RAB38: variants seen among roughly 807,000 people sequenced by gnomAD.
RAB38 encodes the protein ras-related protein Rab-38.
Under a neutral mutation model 18.4 loss-of-function variants are expected in RAB38, and 15 were observed. The ratio of observed to expected loss-of-function variants is 0.82; its 90% CI spans 0.55 to 1.26. The LOEUF (loss-of-function observed/expected upper bound fraction) is 1.26. Ranked by LOEUF, RAB38 falls within the 50% of genes most tolerant of loss-of-function variation. RAB38 has a pLI of 0.00. For synonymous variants in RAB38, 101 were observed against 104.4 expected (o/e 0.97, Z 0.20); for missense variants, 294 against 267.4 (o/e 1.10, Z -0.69).
At chr11:87,849,645 T>C in the RAB38 span, among the ~76,000 whole-genome samples, 1 of 152,144 alleles carries the variant, frequency 6.6e-6, no homozygotes, top group Non-Finnish European at 1.5e-5. Context: ...TTGGGTGTTG[T>C]CCTTTTCTGC....
the RAB38 span, among the ~76,000 whole-genome samples, chr11:87,858,144 T>G: frequency 6.6e-6 from 1 of 152,202 alleles, no homozygotes; most frequent in Non-Finnish European, 1.5e-5. Context: ...TTCTTGTTTT[T>G]GTCAGGTTTG....
At chr11:87,976,956 TACATTATACAA>T in the RAB38 span, among the ~76,000 whole-genome samples, 112 of 65,590 alleles carry the variant, frequency 1.7e-3, 43 homozygotes, top group African/African-American at 2.7e-3. Flanking sequence ...AAAATATAAT[TACATTATACAA>T]GTATATTATA....
At chr11:87,876,338 C>G in the RAB38 span, among the ~76,000 whole-genome samples, 4 of 151,560 alleles carry the variant, frequency 2.6e-5, no homozygotes, top group African/African-American at 9.7e-5. Context: ...AGCAATTTTT[C>G]TACCATAGTC....
the RAB38 span, among the ~76,000 whole-genome samples, chr11:88,027,909 T>G: frequency 1.3e-5 from 2 of 152,164 alleles, no homozygotes; most frequent in African/African-American, 4.8e-5. Context: ...GATCTGAGAA[T>G]GGGCAGACTG....
the RAB38 span, among the ~76,000 whole-genome samples, chr11:87,824,978 AAGAGAG>A: frequency 1.3e-5 from 2 of 150,328 alleles, no homozygotes; most frequent in African/African-American, 2.5e-5. Flanking sequence ...ACACTTTTGA[AAGAGAG>A]AGAGAGAGAG....
chr11:87,956,414 G>C, the RAB38 span, among the ~76,000 whole-genome samples: 1 of 152,158 alleles, frequency 6.6e-6, no homozygotes, highest in South Asian at 2.1e-4. Flanking sequence ...TTAAATTCTT[G>C]GGTCCTCGCC....
At chr11:87,954,705 C>G in the RAB38 span, among the ~76,000 whole-genome samples, 2 of 152,024 alleles carry the variant, frequency 1.3e-5, no homozygotes, top group South Asian at 4.2e-4. Context: ...TAGGCGAGCC[C>G]GGGAGCAGGC....
the RAB38 span, among the ~76,000 whole-genome samples, chr11:87,968,884 C>G: frequency 6.6e-6 from 1 of 151,946 alleles, no homozygotes; most frequent in Admixed American, 6.6e-5. Context: ...TAGTAAGACA[C>G]TGGAGATTCA....
the RAB38 span, among the ~76,000 whole-genome samples, chr11:87,880,501 G>C: frequency 6.6e-6 from 1 of 151,798 alleles, no homozygotes; most frequent in Non-Finnish European, 1.5e-5. Flanking sequence ...AAATCACATT[G>C]TGCTATGTTA....
intron 2 of RAB38, 148 bp downstream of exon 2, chr11:88,149,527 C>A: frequency 1.0e-6 from 1 of 956,602 alleles, no homozygotes. Flanking sequence ...CTACTCATTG[C>A]ACTGAGATGA....
chr11:87,866,359 T>G, the RAB38 span, among the ~76,000 whole-genome samples: 2 of 151,762 alleles, frequency 1.3e-5, no homozygotes, highest in African/African-American at 2.4e-5. Flanking sequence ...GCAATATCTT[T>G]CCAATAGAGA....
At chr11:87,946,128 T>C in the RAB38 span, among the ~76,000 whole-genome samples, 1 of 152,150 alleles carries the variant, frequency 6.6e-6, no homozygotes, top group Non-Finnish European at 1.5e-5. Context: ...ATACAAACTA[T>C]GGTTACAGAA....
the RAB38 span, among the ~76,000 whole-genome samples, chr11:87,884,385 T>G: frequency 6.6e-6 from 1 of 151,948 alleles, no homozygotes; most frequent in Non-Finnish European, 1.5e-5. Context: ...AAAGATCAAC[T>G]GTTAGTCAAA....
chr11:88,150,966 C>G (rs1211913083), intron 1 of RAB38, among the ~76,000 whole-genome samples: 1 of 152,156 alleles, frequency 6.6e-6, no homozygotes, highest in African/African-American at 2.4e-5. Flanking sequence ...AGTCTCTACC[C>G]TTAAATACTC....
chr11:87,931,729 T>G, the RAB38 span, among the ~76,000 whole-genome samples: 6 of 152,116 alleles, frequency 3.9e-5, no homozygotes, highest in Non-Finnish European at 8.8e-5. Flanking sequence ...ACAAGTGTAT[T>G]AAGAACTTTT....
chr11:87,936,342 T>G, the RAB38 span, among the ~76,000 whole-genome samples: 20 of 152,136 alleles, frequency 1.3e-4, no homozygotes, highest in African/African-American at 4.6e-4. Context: ...AAGCTTTATT[T>G]TTATTTATTT....
At chr11:87,868,424 G>A in the RAB38 span, among the ~76,000 whole-genome samples, 2 of 151,576 alleles carry the variant, frequency 1.3e-5, no homozygotes, top group Admixed American at 1.3e-4. Context: ...GAAAAACCAT[G>A]AGCCAATAAA....
At chr11:87,841,396 C>CT in the RAB38 span, among the ~76,000 whole-genome samples, 1 of 152,142 alleles carries the variant, frequency 6.6e-6, no homozygotes, top group African/African-American at 2.4e-5. Flanking sequence ...TTTGCTTCCC[C>CT]TTCTACCATG....
At chr11:88,062,500 C>A in the RAB38 span, among the ~76,000 whole-genome samples, 1 of 152,164 alleles carries the variant, frequency 6.6e-6, no homozygotes, top group African/African-American at 2.4e-5. Flanking sequence ...ACTGTCTTAA[C>A]AATGCTCTAC....
Sources: gnomAD v4.1 joint callset for allele counts (sites outside exome capture counted in the v4.1 genomes callset) on GRCh38, gnomAD v4.1.1 for gene constraint, MANE v1.5 for transcripts, NCBI Gene and HGNC (gene_info 2026-07-23, HGNC 2026-07-21) for gene names.